Variants in EPHA6 observed in about 807,000 individuals in gnomAD.
EPHA6 encodes the protein EPH receptor A6, also known as ephrin type-A receptor 6.
A neutral mutation model predicts 112.0 loss-of-function variants in EPHA6; 50 were observed. The observed-to-expected ratio is 0.45, with a 90% CI of 0.36 to 0.56. EPHA6 has a LOEUF of 0.56. EPHA6 is among the 20% of genes least tolerant of loss of function. The pLI is 0.00. For missense variants in EPHA6, 1,280 were observed against 1,417.4 expected (o/e 0.90, Z 1.56); for synonymous variants, 529 against 490.7 (o/e 1.08, Z -1.03).
chr3:97,334,624 T>A (rs1163769692), intron 5 of EPHA6, among the ~76,000 whole-genome samples: 1 of 151,768 alleles, frequency 6.6e-6, no homozygotes. Context: ...GGACTACAGG[T>A]GTGTGTCACC....
intron 13 of EPHA6, among the ~76,000 whole-genome samples, chr3:97,633,085 A>G (rs1415902639): frequency 6.6e-6 from 1 of 152,086 alleles, no homozygotes; most frequent in Admixed American, 6.6e-5. Flanking sequence ...GGGTTACCAC[A>G]TAGACAATGC....
chr3:97,492,913 T>C (rs977693132), intron 10 of EPHA6, among the ~76,000 whole-genome samples: 10 of 151,800 alleles, frequency 6.6e-5, no homozygotes, highest in African/African-American at 2.4e-4. Flanking sequence ...TTCAAGTATT[T>C]AGAGCTTGAT....
At chr3:97,640,916 G>A (rs185371870) in intron 14 of EPHA6, among the ~76,000 whole-genome samples, 144 of 152,252 alleles carry the variant, frequency 9.5e-4, no homozygotes, top group African/African-American at 3.1e-3. Flanking sequence ...TTTAATTAGG[G>A]CAATGACAGT....
chr3:97,027,698 T>A (rs2044690563), intron 3 of EPHA6, among the ~76,000 whole-genome samples: 1 of 152,190 alleles, frequency 6.6e-6, no homozygotes, highest in Admixed American at 6.6e-5. Flanking sequence ...TTTTAATGCT[T>A]TATAACAGTC....
chr3:96,829,943 G>GCA (rs1397966139), intron 1 of EPHA6, among the ~76,000 whole-genome samples: 2 of 94,602 alleles, frequency 2.1e-5, no homozygotes, highest in Admixed American at 1.4e-4. Flanking sequence ...GCATGTGCGC[G>GCA]CGCGCGCACA....
chr3:97,084,101 G>GAA (rs2046813403), intron 3 of EPHA6, among the ~76,000 whole-genome samples: 1 of 103,578 alleles, frequency 9.7e-6, no homozygotes, highest in Non-Finnish European at 2.0e-5. Context: ...TGTGTGCATG[G>GAA]ATATATATAT....
At chr3:97,344,666 G>T (rs1688483519) in intron 5 of EPHA6, among the ~76,000 whole-genome samples, 2 of 152,160 alleles carry the variant, frequency 1.3e-5, no homozygotes, top group Admixed American at 1.3e-4. Context: ...ATTCATATTT[G>T]CTGTATATGA....
intron 11 of EPHA6, among the ~76,000 whole-genome samples, chr3:97,539,153 CT>C (rs796213678): frequency 3.8e-3 from 399 of 105,222 alleles, no homozygotes; most frequent in African/African-American, 0.01. Context: ...TTTCTTCTTT[CT>C]TTTTTTTTTT....
intron 5 of EPHA6, among the ~76,000 whole-genome samples, chr3:97,253,778 C>A (rs2079214467): frequency 6.6e-6 from 1 of 151,928 alleles, no homozygotes; most frequent in African/African-American, 2.4e-5. Flanking sequence ...TAATGGATGC[C>A]ATACTATTTT....
At chr3:96,899,633 T>A (rs896246611) in intron 2 of EPHA6, among the ~76,000 whole-genome samples, 4 of 152,200 alleles carry the variant, frequency 2.6e-5, no homozygotes, top group African/African-American at 9.6e-5. Context: ...TTTGGAGATC[T>A]AAGTAGATTT....
intron 3 of EPHA6, among the ~76,000 whole-genome samples, chr3:97,114,550 A>G (rs994585440): frequency 1.6e-4 from 25 of 152,020 alleles, no homozygotes; most frequent in Non-Finnish European, 3.7e-4. Context: ...GATTTTATAT[A>G]ATTTTATTTT....
At chr3:97,095,701 T>G (rs775101027) in intron 3 of EPHA6, among the ~76,000 whole-genome samples, 20 of 151,754 alleles carry the variant, frequency 1.3e-4, no homozygotes, top group Non-Finnish European at 2.5e-4. Context: ...CTGGGATATA[T>G]CCTTAGAGCA....
intron 2 of EPHA6, among the ~76,000 whole-genome samples, chr3:96,972,420 CACAA>C (rs1429571908): frequency 7.9e-5 from 6 of 76,370 alleles, no homozygotes; most frequent in East Asian, 4.3e-4. Context: ...GAAACACACA[CACAA>C]ACACACACAC....
At chr3:97,107,281 A>T (rs1388214891) in intron 3 of EPHA6, among the ~76,000 whole-genome samples, 1 of 152,120 alleles carries the variant, frequency 6.6e-6, no homozygotes, top group Non-Finnish European at 1.5e-5. Context: ...TAGTAGTGAG[A>T]AGAGCTGTTT....
intron 3 of EPHA6, among the ~76,000 whole-genome samples, chr3:97,034,135 G>A (rs1240716760): frequency 6.6e-6 from 1 of 151,874 alleles, no homozygotes; most frequent in Non-Finnish European, 1.5e-5. Flanking sequence ...TAGGGAAAAA[G>A]AAACTTTCTT....
At chr3:97,432,325 C>A (rs1389473949) in intron 6 of EPHA6, among the ~76,000 whole-genome samples, 1 of 152,148 alleles carries the variant, frequency 6.6e-6, no homozygotes, top group Non-Finnish European at 1.5e-5. Flanking sequence ...ACACAAATAT[C>A]TATTTAATTA....
intron 9 of EPHA6, chr3:97,481,335 C>T: frequency 1.9e-6 from 3 of 1,559,786 alleles, no homozygotes; most frequent in African/African-American, 2.7e-5. Context: ...AGATGTTTCA[C>T]TTGTGCAAAA....
At chr3:97,494,064 C>A (rs1290629288) in intron 10 of EPHA6, among the ~76,000 whole-genome samples, 1 of 152,146 alleles carries the variant, frequency 6.6e-6, no homozygotes, top group African/African-American at 2.4e-5. Context: ...GTGCTTTGAC[C>A]AGGATGTACC....
chr3:96,982,739 T>C (rs992033931), intron 2 of EPHA6, among the ~76,000 whole-genome samples: 5 of 152,238 alleles, frequency 3.3e-5, no homozygotes, highest in Non-Finnish European at 5.9e-5. Context: ...TGTGTGCTTC[T>C]GTATTGAATG....
Sources: gnomAD v4.1 joint callset for allele counts (sites outside exome capture counted in the v4.1 genomes callset) on GRCh38, gnomAD v4.1.1 for gene constraint, MANE v1.5 for transcripts, NCBI Gene and HGNC (gene_info 2026-07-23, HGNC 2026-07-21) for gene names.